EPS8: variants seen among roughly 807,000 people sequenced by gnomAD.
EPS8 encodes the protein EGFR pathway substrate 8, signaling adaptor.
EPS8 carries 42 observed loss-of-function variants against 103.8 expected under a neutral mutation model. The observed-to-expected ratio is 0.40, with a 90% CI of 0.32 to 0.52. EPS8 has a LOEUF of 0.52. Ranked by LOEUF, EPS8 falls within the 20% of genes least tolerant of loss-of-function variation. EPS8 has a pLI of 0.40. For missense variants in EPS8, 969 were observed against 1,005.1 expected (o/e 0.96, Z 0.49); for synonymous variants, 344 against 344.6 (o/e 1.00, Z 0.02).
intron 8 of EPS8, among the ~76,000 whole-genome samples, chr12:15,663,944 A>AAAAATAAT (rs1555112203): frequency 5.8e-5 from 5 of 85,960 alleles, no homozygotes; most frequent in African/African-American, 2.3e-4. Context: ...AAAAAAAAAA[A>AAAAATAAT]AATAATATAT....
intron 18 of EPS8, among the ~76,000 whole-genome samples, chr12:15,626,855 C>T (rs771776943): frequency 1.3e-4 from 20 of 152,010 alleles, no homozygotes; most frequent in Admixed American, 1.2e-3. Flanking sequence ...TGCTTTCCCC[C>T]GCATCTCCAC....
intron 8 of EPS8, among the ~76,000 whole-genome samples, chr12:15,664,833 G>T (rs564800062): frequency 1.5e-4 from 23 of 152,300 alleles, no homozygotes; most frequent in South Asian, 4.1e-4. Context: ...TCCTTAAAAT[G>T]AAGATACTAG....
At chr12:15,754,236 A>G (rs1946962381) in intron 1 of EPS8, among the ~76,000 whole-genome samples, 2 of 151,994 alleles carry the variant, frequency 1.3e-5, no homozygotes, top group Non-Finnish European at 2.9e-5. Flanking sequence ...CCATTTGGAA[A>G]AAAAAAAAAA....
chr12:15,623,405 C>T, intron 19 of EPS8, 118 bp from the exon 20 acceptor site: 1 of 876,754 alleles, frequency 1.1e-6, no homozygotes, highest in Non-Finnish European at 1.7e-6. Flanking sequence ...TACCCTGGAA[C>T]CCTTATTAAA....
intron 1 of EPS8, among the ~76,000 whole-genome samples, chr12:15,711,901 G>A (rs1056800458): frequency 9.2e-5 from 14 of 152,074 alleles, no homozygotes; most frequent in African/African-American, 3.4e-4. Context: ...CATTTCCCAA[G>A]ACCAAAACAG....
In EPS8 at chr12:15,697,996, A is replaced by T. The variant is rs1237911037; in HGVS notation, c.-21-15024T>A. Reference sequence around the variant, plus strand: ...ATTACAGAAATTTCTCTATGGGAACATATTTCCAGTTGTATAAAAGCTATC... The same window carrying T: ...ATTACAGAAATTTCTCTATGGGAACTTATTTCCAGTTGTATAAAAGCTATC... On this transcript the variant is annotated intron_variant, in intron 1 of 20. Coordinates refer to ENST00000281172, the MANE Select transcript of EPS8 (RefSeq NM_004447.6). The surrounding 1 kb of genome is among the most constrained non-coding windows in gnomAD (Gnocchi z 5.6). 6.6e-6 allele frequency among the ~76,000 whole-genome samples: 1 copy of T among 152,204 alleles called. No individual in the cohort carries two copies. The highest frequency in any genetic ancestry group is 1.5e-5 in the Non-Finnish European group (1 of 68,038).
At chr12:15,652,638 A>T (rs987796118) in intron 13 of EPS8, among the ~76,000 whole-genome samples, 3 of 152,182 alleles carry the variant, frequency 2.0e-5, no homozygotes, top group African/African-American at 7.2e-5. Flanking sequence ...ATACAGTATA[A>T]CAAGAACACT....
rs1265770521 is a variant in EPS8, at chr12:15,695,906, C to T, written c.-21-12934G>A. The stretch of plus-strand genomic sequence containing the variant: ...AGGAGAATCACTTGAGCCCAGGAGG[C>T]GGAGGTTGCAAAAAGAATAAATATG... On this transcript the variant is annotated intron_variant, in intron 1 of 20. Transcript: ENST00000281172. This position sits in a 1 kb window ranked among gnomAD's most constrained non-coding sequence, Gnocchi z 5.0. Among the ~76,000 whole-genome samples the T allele has an allele frequency of 1.3e-5, 2 of 151,948 alleles. No individual in the cohort carries two copies. The highest frequency in any genetic ancestry group is 2.9e-5 in the Non-Finnish European group (2 of 67,984).
At chr12:15,691,524 C>G (rs549668786) in intron 1 of EPS8, among the ~76,000 whole-genome samples, 2 of 152,078 alleles carry the variant, frequency 1.3e-5, no homozygotes, top group Non-Finnish European at 2.9e-5. Flanking sequence ...GGGCTGGAAG[C>G]GGGAGACATT....
chr12:15,685,736 G>A (rs1006142230), intron 1 of EPS8, among the ~76,000 whole-genome samples: 9 of 152,158 alleles, frequency 5.9e-5, no homozygotes, highest in East Asian at 5.8e-4. Flanking sequence ...CAATTTGAGC[G>A]ATTGCAGTGT....
At chr12:15,782,634 A>AT (rs1947271672) in intron 1 of EPS8, among the ~76,000 whole-genome samples, 1 of 152,038 alleles carries the variant, frequency 6.6e-6, no homozygotes, top group Admixed American at 6.5e-5. Flanking sequence ...CTACTTTATC[A>AT]TTTTATGGTA....
At chr12:15,621,668 G>A (rs565898608) in intron 20 of EPS8, among the ~76,000 whole-genome samples, 1 of 152,148 alleles carries the variant, frequency 6.6e-6, no homozygotes, top group African/African-American at 2.4e-5. Context: ...ATTTGAACAT[G>A]ATAAAGATAA....
At position 15,682,787 on chromosome 12, in the gene EPS8, A is replaced by T. The variant is rs567805635; in HGVS notation, c.59+106T>A. On this transcript the variant is annotated intron_variant, in intron 2 of 20. Transcript: ENST00000281172. ...ATTACATATTAATGAGGAATGAACT[A>T]CTGAACTACACAACGAAAGTAATCT... The T allele has an allele frequency of 2.0e-5, 13 of 652,780 alleles. 1 individual carries two copies. The East Asian group carries it at 3.2e-4, about 16-fold the overall frequency. 40.4% of individuals were successfully genotyped at this position (652,780 alleles called of 1,614,324 possible). A position where few individuals can be genotyped will look rare whatever the true frequency, so the allele number is the denominator to read the frequency against.
chr12:15,779,098 C>T lies in EPS8; in HGVS notation c.-22+10063G>A, dbSNP rs1198014830. Among the ~76,000 whole-genome samples the T allele has an allele frequency of 1.3e-5, 2 of 152,156 alleles. No individual in the cohort carries two copies. The highest frequency in any genetic ancestry group is 1.3e-4 in the Admixed American group (2 of 15,282). ...GGTTCAAGCAATTCTCCTGCCTCAG[C>T]CTCCCGAGTAGCTGGGATTACAGGT... On this transcript the variant is annotated intron_variant, in intron 1 of 20. Coordinates refer to ENST00000281172, the MANE Select transcript of EPS8 (RefSeq NM_004447.6). The surrounding 1 kb of genome is among the most constrained non-coding windows in gnomAD (Gnocchi z 4.3).
At chr12:15,639,825 T>C (rs1448306698) in intron 17 of EPS8, among the ~76,000 whole-genome samples, 1 of 152,252 alleles carries the variant, frequency 6.6e-6, no homozygotes, top group Non-Finnish European at 1.5e-5. Context: ...ACGCAGCTTC[T>C]ACTCAAATTC....
chr12:15,654,017 A>T, intron 13 of EPS8, 128 bp downstream of exon 13: 1 of 833,456 alleles, frequency 1.2e-6, no homozygotes, highest in Non-Finnish European at 1.9e-6. Flanking sequence ...TCTAGCCTTT[A>T]AGGGTTTAGG....
chr12:15,660,543 T>C (rs1945588050), intron 10 of EPS8, 71 bp downstream of exon 10: 2 of 802,124 alleles, frequency 2.5e-6, no homozygotes, highest in Non-Finnish European at 4.5e-6. Flanking sequence ...GGATTACAGG[T>C]GTGAGCCACT....
rs1182297132 is a variant in EPS8, at chr12:15,717,745, AAGTT to A, written c.-21-34777_-21-34774del. Among the ~76,000 whole-genome samples, 1 of 152,220 alleles carries A rather than the reference AAGTT, an allele frequency of 6.6e-6. No homozygotes were observed. The highest frequency in any genetic ancestry group is 2.4e-5 in the African/African-American group (1 of 41,454). ...AGTGTATAGATGGCATTAGTAGTCT[AAGTT>A]AGGAAAATATTGATTTGAGAAAAAT... On this transcript the variant is annotated intron_variant, in intron 1 of 20. Transcript: ENST00000281172. This position sits in a 1 kb window ranked among gnomAD's most constrained non-coding sequence, Gnocchi z 4.3.
At position 15,672,551 on chromosome 12, in the gene EPS8, A is replaced by T. The variant is rs568199384; in HGVS notation, c.137-1628T>A. ...AAAGAAAGATCTGGTTTCACCTAAA[A>T]TTTTCTCTCCCAATATAACAAAACA... On this transcript the variant is annotated intron_variant, in intron 3 of 20. Transcript: ENST00000281172. 7.5e-6 allele frequency: 3 copies of T among 397,784 alleles called. No individual in the cohort carries two copies. In the Admixed American group the frequency reaches 1.3e-4, roughly 18 times the overall value. The allele number at this position is 397,784 out of a possible 1,614,324, so 24.6% of individuals were successfully genotyped here. A position where few individuals can be genotyped will look rare whatever the true frequency, so the allele number is the denominator to read the frequency against.
Sources: gnomAD v4.1 joint callset for allele counts (sites outside exome capture counted in the v4.1 genomes callset) on GRCh38, gnomAD v4.1.1 for gene constraint, Gnocchi (gnomAD v3.1) non-coding constraint, MANE v1.5 for transcripts, NCBI Gene and HGNC (gene_info 2026-07-23, HGNC 2026-07-21) for gene names.